Variants in HPDL observed in about 807,000 individuals in gnomAD.
The protein encoded by HPDL is 4-hydroxyphenylpyruvate dioxygenase like.
Under a neutral mutation model 9.8 loss-of-function variants are expected in HPDL, and 7 were observed. The ratio of observed to expected loss-of-function variants is 0.71; its 90% confidence interval spans 0.41 to 1.34. The LOEUF (loss-of-function observed/expected upper bound fraction) is 1.34. Among genes scored for constraint, HPDL ranks in the 40% most tolerant of loss-of-function variants. The pLI is 0.01. For missense variants in HPDL, 530 were observed against 495.1 expected (o/e 1.07, Z -0.67); for synonymous variants, 250 against 228.2 (o/e 1.10, Z -0.86).
rs753509244 is a variant in HPDL, at chr1:45,328,207, C to T, written c.1059C>T (p.Asn353=). 12 of 1,614,116 alleles carry T rather than the reference C, an allele frequency of 7.4e-6. No homozygotes were observed. The highest frequency in any genetic ancestry group is 1.1e-5 in the South Asian group (1 of 91,090). Residue 353 remains asparagine, a synonymous_variant, in exon 1 of 1, where the codon AAC becomes AAT. Transcript: ENST00000334815. The stretch of plus-strand genomic sequence containing the variant: ...GGGCCACTGGCTTTGGTCAGGGCAA[C>T]ATCAGAGCTCTGTGGCAGTCCGTAC... The part of the protein sequence containing the change: ...RQGATGFGQG[N]IRALWQSVQE...
At position 45,326,942 on chromosome 1, in the gene HPDL, C is replaced by T; in HGVS notation, c.-207C>T. Reference sequence around the variant, plus strand: ...GAGACCCGGTGGTCCAGACGCTGCTCCTGGCTGGGGTGGCGCTGCAGGGAG... The same window carrying T: ...GAGACCCGGTGGTCCAGACGCTGCTTCTGGCTGGGGTGGCGCTGCAGGGAG... On this transcript the variant is annotated 5_prime_UTR_variant, in exon 1 of 1. Transcript: ENST00000334815. The T allele has an allele frequency of 2.1e-6, 1 of 480,494 alleles. No homozygotes were observed. Among genetic ancestry groups the T allele is most frequent in the South Asian group, 5.1e-5 (1 of 19,508 alleles). 29.8% of individuals were successfully genotyped at this position (480,494 alleles called of 1,614,324 possible).
Position 45,328,543 on chromosome 1 carries a change from A to C in HPDL, c.*279A>C. On this transcript the variant is annotated 3_prime_UTR_variant, in exon 1 of 1. Coordinates refer to ENST00000334815, the MANE Select transcript of HPDL (RefSeq NM_032756.4). ...ATTACACACTAGGAAATAGAACATA[A>C]CCAATACTTTCGAGTCCTCCCTGTG... 2.7e-6 allele frequency: 1 copy of C among 372,052 alleles called. No individual in the cohort carries two copies. 23.0% of individuals were successfully genotyped at this position (372,052 alleles called of 1,614,324 possible).
rs1428978234 is a variant in HPDL, at chr1:45,326,999, T to C, written c.-150T>C. The C allele has an allele frequency of 1.2e-6, 1 of 817,168 alleles. No individual in the cohort carries two copies. Among genetic ancestry groups the C allele is most frequent in the Non-Finnish European group, 1.7e-6 (1 of 574,092 alleles). 50.6% of individuals were successfully genotyped at this position (817,168 alleles called of 1,614,324 possible). On this transcript the variant is annotated 5_prime_UTR_variant, in exon 1 of 1. Coordinates refer to ENST00000334815, the MANE Select transcript of HPDL (RefSeq NM_032756.4). ...GAGCTCTCAGGGGTCGGCGGGTGAC[T>C]TCTTTCCGGAAGAAAGCGAGGAACG...
At position 45,327,880 on chromosome 1, in the gene HPDL, G is replaced by A. The variant is rs1644258679; in HGVS notation, c.732G>A (p.Val244=). 3 of 1,549,620 alleles carry A rather than the reference G, an allele frequency of 1.9e-6. No homozygotes were observed. In the Admixed American group the frequency reaches 5.8e-5, roughly 30 times the overall value. Residue 244 remains valine (V), a synonymous_variant, in exon 1 of 1, where the codon GTG becomes GTA. Coordinates refer to ENST00000334815, the MANE Select transcript of HPDL (RefSeq NM_032756.4). The surrounding 1 kb of genome is among the most constrained non-coding windows in gnomAD (Gnocchi z 6.3). ...LPGATTRQDQ[V]EQFLARHKGP... is the part of the protein sequence containing the mutation. ...GGGCGACGACACGACAGGACCAGGT[G>A]GAGCAGTTCCTGGCCCGGCACAAGG... is the stretch of plus-strand genomic sequence containing the variant.
In HPDL at chr1:45,327,217, G is replaced by T; in HGVS notation, c.69G>T (p.Arg23=). ...TGCCCGCCGGGCAGCCCCTAGCCCG[G>T]AACCTGCAGCGCCTCTTCGGCTTCC... The part of the protein sequence containing the change: ...FHVPAGQPLA[R]NLQRLFGFQP... The change falls in exon 1 of 1, where the codon CGG becomes CGT. Residue 23 remains arginine, a synonymous_variant. Transcript: ENST00000334815. This position sits in a 1 kb window ranked among gnomAD's most constrained non-coding sequence, Gnocchi z 6.3. The T allele has an allele frequency of 3.1e-6, 5 of 1,602,396 alleles. No homozygotes were observed. The highest frequency in any genetic ancestry group is 4.3e-6 in the Non-Finnish European group (5 of 1,174,958).
At position 45,327,069 on chromosome 1, in the gene HPDL, C is replaced by T; in HGVS notation, c.-80C>T. The stretch of plus-strand genomic sequence containing the variant: ...GACTCCCCAACTCCGGACGATCAGC[C>T]CAGGACTGAGAGCCCCGAAGTCCCC... On this transcript the variant is annotated 5_prime_UTR_variant, in exon 1 of 1. Transcript: ENST00000334815. The surrounding 1 kb of genome is among the most constrained non-coding windows in gnomAD (Gnocchi z 6.3). The T allele has an allele frequency of 1.4e-6, 2 of 1,436,196 alleles. No homozygotes were observed. Among genetic ancestry groups the T allele is most frequent in the Non-Finnish European group, 1.9e-6 (2 of 1,076,672 alleles). 89.0% of individuals were successfully genotyped at this position (1,436,196 alleles called of 1,614,324 possible).
rs781600308 is a variant in HPDL, at chr1:45,327,740, G to A, written c.592G>A (p.Glu198Lys). 25 of 1,612,640 alleles carry A rather than the reference G, an allele frequency of 1.6e-5. No individual in the cohort carries two copies. The highest frequency in any genetic ancestry group is 1.9e-5 in the Non-Finnish European group (22 of 1,179,276). ...HLPLSPGEDP[E>K]LGLEMTAGFG... The stretch of plus-strand genomic sequence containing the variant: ...GCCGCTGAGCCCAGGTGAGGATCCC[G>A]AGCTGGGCCTCGAAATGACAGCAGG... The change falls in exon 1 of 1, where the codon GAG becomes AAG. Residue 198 changes from glutamate (E) to lysine (K), a missense_variant. Transcript: ENST00000334815. The surrounding 1 kb of genome is among the most constrained non-coding windows in gnomAD (Gnocchi z 6.3).
rs771013028 is a variant in HPDL, at chr1:45,327,755, A to G, written c.607A>G (p.Met203Val). 15 of 1,612,608 alleles carry G rather than the reference A, an allele frequency of 9.3e-6. No individual in the cohort carries two copies. Among genetic ancestry groups the G allele is most frequent in the Non-Finnish European group, 2.5e-6 (3 of 1,179,278 alleles). The change falls in exon 1 of 1, where the codon ATG (methionine) becomes GTG (valine). Residue 203 changes from methionine to valine, a missense_variant. Met to Val is a conservative substitution (Grantham distance 21). Transcript: ENST00000334815. The surrounding 1 kb of genome is among the most constrained non-coding windows in gnomAD (Gnocchi z 6.3). ...PGEDPELGLE[M>V]TAGFGLGGLR... ...TGAGGATCCCGAGCTGGGCCTCGAA[A>G]TGACAGCAGGGTTTGGGCTTGGGGG...
rs1231393254 is a variant in HPDL at position 45,327,503 on chromosome 1, G to A, written c.355G>A (p.Ala119Thr). 1.3e-6 allele frequency: 2 copies of A among 1,599,910 alleles called. No homozygotes were observed. Among genetic ancestry groups the A allele is most frequent in the Admixed American group, 1.7e-5 (1 of 59,686 alleles). The change falls in exon 1 of 1, where the codon GCC (alanine) becomes ACC (threonine). Residue 119 changes from alanine (A) to threonine (T), a missense_variant. Ala to Thr is a moderately conservative substitution (Grantham distance 58). Transcript: ENST00000334815. The surrounding 1 kb of genome is among the most constrained non-coding windows in gnomAD (Gnocchi z 6.3). ...VRDAQGAATY[A>T]VVSSPAGILS... ...GGACGCGCAGGGTGCCGCCACTTACGCCGTGGTCAGCTCGCCTGCCGGCAT... is the reference window on the plus strand; with the variant it reads ...GGACGCGCAGGGTGCCGCCACTTACACCGTGGTCAGCTCGCCTGCCGGCAT...
At position 45,328,047 on chromosome 1, in the gene HPDL, C is replaced by T. The variant is rs777148636; in HGVS notation, c.899C>T (p.Ala300Val). The T allele has an allele frequency of 6.2e-7, 1 of 1,614,234 alleles. No homozygotes were observed. Among genetic ancestry groups the T allele is most frequent in the Non-Finnish European group, 8.5e-7 (1 of 1,180,028 alleles). ...QPGKERQIRA[A>V]GHEPHLLARQ... The stretch of plus-strand genomic sequence containing the variant: ...GGAAAGGAGAGGCAGATCCGAGCTG[C>T]AGGGCACGAGCCTCATCTGCTTGCT... Residue 300 changes from alanine (A) to valine (V), a missense_variant, in exon 1 of 1, where the codon GCA becomes GTA. By Grantham distance (64) the Ala-to-Val change is moderately conservative (BLOSUM62 0). Transcript: ENST00000334815.
In HPDL at chr1:45,327,299, G is replaced by C. The variant is rs1386472757; in HGVS notation, c.151G>C (p.Asp51His). The change falls in exon 1 of 1, where the codon GAC becomes CAC. Residue 51 changes from aspartate to histidine, a missense_variant. Asp to His is a moderately conservative substitution (Grantham distance 81). Transcript: ENST00000334815. This position sits in a 1 kb window ranked among gnomAD's most constrained non-coding sequence, Gnocchi z 6.3. Reference sequence around the variant, plus strand: ...GCGGCAGCTAGCCCTGCGCAGCGGCGACGCGGTCTTTTTGGTGAACGAGGG... The same window carrying C: ...GCGGCAGCTAGCCCTGCGCAGCGGCCACGCGGTCTTTTTGGTGAACGAGGG... ...GWRQLALRSG[D>H]AVFLVNEGAG... is the part of the protein sequence containing the mutation. 2 of 1,584,092 alleles carry C rather than the reference G, an allele frequency of 1.3e-6. No individual in the cohort carries two copies. The highest frequency in any genetic ancestry group is 3.6e-5 in the Admixed American group (2 of 56,142).
chr1:45,327,076 T>C lies in HPDL; in HGVS notation c.-73T>C. 6 of 1,462,816 alleles carry C rather than the reference T, an allele frequency of 4.1e-6. No homozygotes were observed. The highest frequency in any genetic ancestry group is 5.5e-6 in the Non-Finnish European group (6 of 1,098,654). The allele number at this position is 1,462,816 out of a possible 1,614,324, so 90.6% of individuals were successfully genotyped here. A position where few individuals can be genotyped will look rare whatever the true frequency, so the allele number is the denominator to read the frequency against. The stretch of plus-strand genomic sequence containing the variant: ...CAACTCCGGACGATCAGCCCAGGAC[T>C]GAGAGCCCCGAAGTCCCCAACCACA... On this transcript the variant is annotated 5_prime_UTR_variant, in exon 1 of 1. Transcript: ENST00000334815. This position sits in a 1 kb window ranked among gnomAD's most constrained non-coding sequence, Gnocchi z 6.3.
chr1:45,327,646 G>T lies in HPDL; in HGVS notation c.498G>T (p.Leu166Phe). 2 of 1,612,118 alleles carry T rather than the reference G, an allele frequency of 1.2e-6. No individual in the cohort carries two copies. The highest frequency in any genetic ancestry group is 1.7e-6 in the Non-Finnish European group (2 of 1,179,254). Residue 166 changes from leucine to phenylalanine, a missense_variant, in exon 1 of 1, where the codon TTG becomes TTT. Transcript: ENST00000334815. The surrounding 1 kb of genome is among the most constrained non-coding windows in gnomAD (Gnocchi z 6.3). ...GWVSRVDHLT[L>F]ACTPGSSPTL... ...TCAGCCGCGTGGACCACCTGACCTT[G>T]GCCTGCACCCCCGGCAGCTCCCCCA...
chr1:45,327,207 C>T lies in HPDL; in HGVS notation c.59C>T (p.Pro20Leu), dbSNP rs1471386189. 3 of 1,600,792 alleles carry T rather than the reference C, an allele frequency of 1.9e-6. No individual in the cohort carries two copies. Among genetic ancestry groups the T allele is most frequent in the African/African-American group, 1.3e-5 (1 of 74,658 alleles). Residue 20 changes from proline to leucine, a missense_variant, in exon 1 of 1, where the codon CCC becomes CTC. Pro to Leu is a moderately conservative substitution (Grantham distance 98). Transcript: ENST00000334815. This position sits in a 1 kb window ranked among gnomAD's most constrained non-coding sequence, Gnocchi z 6.3. ...HIAFHVPAGQ[P>L]LARNLQRLFG... ...GCCTTCCACGTGCCCGCCGGGCAGC[C>T]CCTAGCCCGGAACCTGCAGCGCCTC...
At position 45,327,533 on chromosome 1, in the gene HPDL, A is replaced by G; in HGVS notation, c.385A>G (p.Ser129Gly). The change falls in exon 1 of 1, where the codon AGC (serine) becomes GGC (glycine). Residue 129 changes from serine (S) to glycine (G), a missense_variant. By Grantham distance (56) the Ser-to-Gly change is moderately conservative. Transcript: ENST00000334815. This position sits in a 1 kb window ranked among gnomAD's most constrained non-coding sequence, Gnocchi z 6.3. ...AVVSSPAGIL[S>G]LTLLERAGYR... ...GGTCAGCTCGCCTGCCGGCATCCTC[A>G]GCCTGACCTTGCTGGAGCGCGCTGG... The G allele has an allele frequency of 1.2e-6, 2 of 1,606,384 alleles. No homozygotes were observed. Among genetic ancestry groups the G allele is most frequent in the Non-Finnish European group, 1.7e-6 (2 of 1,179,482 alleles).
rs1644239390 is a variant in HPDL, at chr1:45,327,048, C to T, written c.-101C>T. 3 of 1,263,768 alleles carry T rather than the reference C, an allele frequency of 2.4e-6. No homozygotes were observed. Among genetic ancestry groups the T allele is most frequent in the Non-Finnish European group, 3.2e-6 (3 of 946,594 alleles). The allele number at this position is 1,263,768 out of a possible 1,614,324, so 78.3% of individuals were successfully genotyped here. A position where few individuals can be genotyped will look rare whatever the true frequency, so the allele number is the denominator to read the frequency against. On this transcript the variant is annotated 5_prime_UTR_variant, in exon 1 of 1. Transcript: ENST00000334815. The surrounding 1 kb of genome is among the most constrained non-coding windows in gnomAD (Gnocchi z 6.3). Reference sequence around the variant, plus strand: ...CGCGCTCTGCGGGGTGAGCCGGACTCCCCAACTCCGGACGATCAGCCCAGG... The same window carrying T: ...CGCGCTCTGCGGGGTGAGCCGGACTTCCCAACTCCGGACGATCAGCCCAGG...
In HPDL at chr1:45,328,028, G is replaced by A; in HGVS notation, c.880G>A (p.Glu294Lys). Residue 294 changes from glutamate to lysine, a missense_variant, in exon 1 of 1, where the codon GAG becomes AAG. Glu to Lys is a moderately conservative substitution (Grantham distance 56). Coordinates refer to ENST00000334815, the MANE Select transcript of HPDL (RefSeq NM_032756.4). ...PGAYYQQPGK[E>K]RQIRAAGHEP... ...GGCATACTACCAGCAGCCAGGAAAG[G>A]AGAGGCAGATCCGAGCTGCAGGGCA... 6.2e-7 allele frequency: 1 copy of A among 1,614,120 alleles called. No homozygotes were observed. Among genetic ancestry groups the A allele is most frequent in the South Asian group, 1.1e-5 (1 of 91,092 alleles).
Position 45,327,882 on chromosome 1 carries a change from A to T in HPDL, c.734A>T (p.Glu245Val). The T allele has an allele frequency of 2.6e-6, 4 of 1,549,490 alleles. No individual in the cohort carries two copies. Among genetic ancestry groups the T allele is most frequent in the Non-Finnish European group, 3.5e-6 (4 of 1,147,500 alleles). The change falls in exon 1 of 1, where the codon GAG becomes GTG. Residue 245 changes from glutamate (E) to valine (V), a missense_variant. By Grantham distance (121) the Glu-to-Val change is moderately radical. Transcript: ENST00000334815. The surrounding 1 kb of genome is among the most constrained non-coding windows in gnomAD (Gnocchi z 6.3). ...GCGACGACACGACAGGACCAGGTGG[A>T]GCAGTTCCTGGCCCGGCACAAGGGG... is the stretch of plus-strand genomic sequence containing the variant. ...PGATTRQDQV[E>V]QFLARHKGPG...
chr1:45,328,512 A>G lies in HPDL; in HGVS notation c.*248A>G. 2 of 452,462 alleles carry G rather than the reference A, an allele frequency of 4.4e-6. No homozygotes were observed. The highest frequency in any genetic ancestry group is 3.4e-5 in the East Asian group (1 of 29,286). 28.0% of individuals were successfully genotyped at this position (452,462 alleles called of 1,614,324 possible). A position where few individuals can be genotyped will look rare whatever the true frequency, so the allele number is the denominator to read the frequency against. On this transcript the variant is annotated 3_prime_UTR_variant, in exon 1 of 1. Coordinates refer to ENST00000334815, the MANE Select transcript of HPDL (RefSeq NM_032756.4). The stretch of plus-strand genomic sequence containing the variant: ...AAATATGTAAGATACAAAGAACAAT[A>G]AAAGAATTACACACTAGGAAATAGA...
Sources: allele counts gnomAD v4.1 joint callset, GRCh38; gene constraint gnomAD v4.1.1; non-coding constraint Gnocchi (gnomAD v3.1); transcripts MANE v1.5; gene names NCBI Gene and HGNC (gene_info 2026-07-23, HGNC 2026-07-21).